PCDHGB4: variants seen among roughly 807,000 people sequenced by gnomAD.
The protein encoded by PCDHGB4 is protocadherin gamma-B4.
A neutral mutation model predicts 60.5 loss-of-function variants in PCDHGB4; 38 were observed. That is an observed-to-expected ratio of 0.63 (90% CI 0.48 to 0.82). The LOEUF (loss-of-function observed/expected upper bound fraction) is 0.82, where lower values mean the gene tolerates loss of function less well. PCDHGB4 is among the 40% of genes least tolerant of loss of function. PCDHGB4 has a pLI of 0.00. For synonymous variants in PCDHGB4, 456 were observed against 509.7 expected, an observed-to-expected ratio of 0.89 and a Z score of 1.42; for missense variants, 1,109 against 1,209.6, an observed-to-expected ratio of 0.92 and a Z score of 1.23.
At position 141,400,548 on chromosome 5, in the gene PCDHGB4, T is replaced by G. The variant is rs551157559; in HGVS notation, c.2397+10267T>G. On this transcript the variant is annotated intron_variant, in intron 1 of 3. Transcript: ENST00000519479. ...TGGTGAGTTTCATTTATGTCTATTC[T>G]TTTTCATTACCCACCCAATTTTCTG... is the stretch of plus-strand genomic sequence containing the variant. 3.3e-4 allele frequency: 529 copies of G among 1,613,654 alleles called. 1 individual carries two copies. In the South Asian group the frequency reaches 4.9e-3, roughly 15 times the overall value.
At chr5:141,391,884 G>C (rs1192403353) in intron 1 of PCDHGB4, 1 of 152,128 alleles carries the variant, frequency 6.6e-6, no homozygotes, top group East Asian at 1.9e-4. Flanking sequence ...TTGGTGAAAG[G>C]GATGGGATGG....
At chr5:141,414,020 C>A in intron 1 of PCDHGB4, 1 of 1,612,618 alleles carries the variant, frequency 6.2e-7, no homozygotes. Flanking sequence ...GGAGAAGTGA[C>A]ATATTCATTC....
chr5:141,460,656 ACTGTAAACACAGT>A (rs2098994793), intron 1 of PCDHGB4, among the ~76,000 whole-genome samples: 1 of 152,086 alleles, frequency 6.6e-6, no homozygotes, highest in Admixed American at 6.6e-5. Flanking sequence ...CACATATGTA[ACTGTAAACACAGT>A]TATATATCTA....
At chr5:141,461,892 C>T (rs976827774) in intron 1 of PCDHGB4, among the ~76,000 whole-genome samples, 2 of 152,030 alleles carry the variant, frequency 1.3e-5, no homozygotes, top group Non-Finnish European at 2.9e-5. Context: ...GGCACGATCT[C>T]GGCTCACTGC....
In PCDHGB4 at chr5:141,431,553, A is replaced by G; in HGVS notation, c.2397+41272A>G. ...TTGGGCACGCAGCTGCTTGTAGTCA[A>G]CGCTACCGACCCTGACGAAGGAGTC... On this transcript the variant is annotated intron_variant, in intron 1 of 3. Transcript: ENST00000519479. The surrounding 1 kb of genome is among the most constrained non-coding windows in gnomAD (Gnocchi z 4.8). 1.2e-6 allele frequency: 2 copies of G among 1,614,112 alleles called. No individual in the cohort carries two copies. Among genetic ancestry groups the G allele is most frequent in the Non-Finnish European group, 1.7e-6 (2 of 1,180,020 alleles).
intron 2 of PCDHGB4, among the ~76,000 whole-genome samples, chr5:141,496,123 C>T (rs2099766207): frequency 6.6e-6 from 1 of 152,098 alleles, no homozygotes; most frequent in African/African-American, 2.4e-5. Flanking sequence ...CTTCCCTGCC[C>T]CTCACACACT....
intron 1 of PCDHGB4, chr5:141,420,323 A>G (rs753373746): frequency 2.1e-6 from 3 of 1,410,102 alleles, no homozygotes; most frequent in East Asian, 2.4e-5. Flanking sequence ...CAATATGCCA[A>G]TATATTCCAA....
chr5:141,399,988 G>C, intron 1 of PCDHGB4: 1 of 1,612,442 alleles, frequency 6.2e-7, no homozygotes, highest in Non-Finnish European at 8.5e-7. Context: ...GCGCACAGGA[G>C]AGGTGCGCAC....
chr5:141,497,110 C>T (rs964183820), intron 2 of PCDHGB4, among the ~76,000 whole-genome samples: 2 of 151,738 alleles, frequency 1.3e-5, no homozygotes, highest in African/African-American at 2.4e-5. Context: ...TGCTTGAACC[C>T]GGAAGGCAGA....
At chr5:141,429,378 T>TTTG (rs2097208019) in intron 1 of PCDHGB4, among the ~76,000 whole-genome samples, 1 of 105,336 alleles carries the variant, frequency 9.5e-6, no homozygotes, top group African/African-American at 5.2e-5. Flanking sequence ...AGAAAATGTG[T>TTTG]TTTTTTTTTA....
intron 1 of PCDHGB4, chr5:141,402,790 A>T: frequency 2.1e-6 from 2 of 961,358 alleles, no homozygotes; most frequent in Non-Finnish European, 2.9e-6. Context: ...TTCTGCGGCT[A>T]CACAAAACCC....
intron 1 of PCDHGB4, chr5:141,403,819 T>A (rs1264553327): frequency 1.2e-6 from 2 of 1,613,784 alleles, no homozygotes; most frequent in Admixed American, 3.3e-5. Flanking sequence ...AAAAACAATC[T>A]CTGCTATTCC....
In PCDHGB4 at chr5:141,476,836, T is replaced by C. The variant is rs772607917; in HGVS notation, c.2398-17971T>C. On this transcript the variant is annotated intron_variant, in intron 1 of 3. Coordinates refer to ENST00000519479, the MANE Select transcript of PCDHGB4 (RefSeq NM_003736.4). The surrounding 1 kb of genome is among the most constrained non-coding windows in gnomAD (Gnocchi z 7.6). ...TCAAGGTGCTGGACGCGAATGACAATGCGCCTGTCTTCAACCAGTCCTTGT... is the reference window on the plus strand; with the variant it reads ...TCAAGGTGCTGGACGCGAATGACAACGCGCCTGTCTTCAACCAGTCCTTGT... 1.9e-6 allele frequency: 3 copies of C among 1,613,652 alleles called. 1 individual carries two copies. The highest frequency in any genetic ancestry group is 2.2e-5 in the East Asian group (1 of 44,852).
chr5:141,398,803 A>C (rs551301850), intron 1 of PCDHGB4: 2 of 1,613,960 alleles, frequency 1.2e-6, no homozygotes, highest in African/African-American at 2.7e-5. Context: ...AAGCGGCACC[A>C]CTGAGCTCCG....
intron 1 of PCDHGB4, among the ~76,000 whole-genome samples, chr5:141,450,006 CTTTTT>C (rs1554136305): frequency 1.5e-5 from 2 of 132,980 alleles, no homozygotes; most frequent in African/African-American, 2.8e-5. Flanking sequence ...TGCCATGTCT[CTTTTT>C]TTTTTTTTTT....
Position 141,491,307 on chromosome 5 carries a change from C to CCTTA in PCDHGB4, c.2398-3498_2398-3495dup. On this transcript the variant is annotated intron_variant, in intron 1 of 3. Transcript: ENST00000519479. The surrounding 1 kb of genome is among the most constrained non-coding windows in gnomAD (Gnocchi z 6.9). ...TCATACACCCTCCTGAGCGTTCAGA[C>CCTTA]CTTACCCTTTACCTCATTGTGGCTC... 1 of 1,614,152 alleles carries CCTTA rather than the reference C, an allele frequency of 6.2e-7. No individual in the cohort carries two copies. Among genetic ancestry groups the CCTTA allele is most frequent in the Non-Finnish European group, 8.5e-7 (1 of 1,179,986 alleles).
chr5:141,471,080 C>T (rs2099249652), intron 1 of PCDHGB4, among the ~76,000 whole-genome samples: 1 of 147,610 alleles, frequency 6.8e-6, no homozygotes, highest in African/African-American at 2.5e-5. Context: ...ACAGGGTCTC[C>T]CTCTGTTGTC....
At chr5:141,406,021 G>A (rs530576205) in intron 1 of PCDHGB4, among the ~76,000 whole-genome samples, 1 of 151,382 alleles carries the variant, frequency 6.6e-6, no homozygotes, top group East Asian at 1.9e-4. Context: ...GGCTTTTTGG[G>A]TAGGGTTGCT....
Position 141,414,954 on chromosome 5 carries a change from C to T in PCDHGB4, c.2397+24673C>T, listed in dbSNP as rs759955017. ...CCGCAGAGCCCGGCTACCTGGTGAC[C>T]AAGGTGGTGGCGGTGGACAGAGACT... On this transcript the variant is annotated intron_variant, in intron 1 of 3. Coordinates refer to ENST00000519479, the MANE Select transcript of PCDHGB4 (RefSeq NM_003736.4). 10 of 1,614,058 alleles carry T rather than the reference C, an allele frequency of 6.2e-6. No individual in the cohort carries two copies. The Admixed American group carries it at 1.7e-4, about 27-fold the overall frequency.
Sources: gnomAD v4.1 joint callset for allele counts (sites outside exome capture counted in the v4.1 genomes callset) on GRCh38, gnomAD v4.1.1 for gene constraint, Gnocchi (gnomAD v3.1) non-coding constraint, MANE v1.5 for transcripts, NCBI Gene and HGNC (gene_info 2026-07-23, HGNC 2026-07-21) for gene names.